Variants in LINGO2 observed in about 807,000 individuals in gnomAD.
LINGO2 encodes leucine rich repeat and Ig domain containing 2.
In LINGO2, 14 loss-of-function variants were observed where a neutral mutation model predicts 30.6. The observed-to-expected ratio is 0.46, with a 90% CI of 0.30 to 0.72. LINGO2 has a LOEUF of 0.72. Ranked by LOEUF, LINGO2 falls within the 30% of genes least tolerant of loss-of-function variation. The pLI is 0.07. For missense variants in LINGO2, 729 were observed against 751.7 expected, an observed-to-expected ratio of 0.97 and a Z score of 0.35; for synonymous variants, 317 against 288.5, an observed-to-expected ratio of 1.10 and a Z score of -1.00.
the LINGO2 span, among the ~76,000 whole-genome samples, chr9:29,105,914 G>GA: frequency 6.6e-6 from 1 of 152,104 alleles, no homozygotes; most frequent in Non-Finnish European, 1.5e-5. Context: ...CCAATAGTCT[G>GA]AAAGAACTTA....
At chr9:28,048,802 A>C (rs976895655) in intron 4 of LINGO2, among the ~76,000 whole-genome samples, 2 of 150,808 alleles carry the variant, frequency 1.3e-5, no homozygotes, top group African/African-American at 4.9e-5. Flanking sequence ...TAGAAATGTT[A>C]AAAGTACCAC....
the LINGO2 span, among the ~76,000 whole-genome samples, chr9:28,750,589 C>A: frequency 6.6e-6 from 1 of 151,938 alleles, no homozygotes; most frequent in South Asian, 2.1e-4. Context: ...ATTTTACCAA[C>A]TGGAAGAGCA....
At chr9:28,808,681 G>T in the LINGO2 span, among the ~76,000 whole-genome samples, 6 of 152,180 alleles carry the variant, frequency 3.9e-5, no homozygotes, top group African/African-American at 1.4e-4. Flanking sequence ...ATCCAAAAAT[G>T]CATTCCATCT....
intron 4 of LINGO2, among the ~76,000 whole-genome samples, chr9:28,142,891 T>C (rs535513689): frequency 1.3e-5 from 2 of 152,356 alleles, no homozygotes; most frequent in South Asian, 4.1e-4. Context: ...ACTGACTAGA[T>C]AACTTAACAG....
the LINGO2 span, among the ~76,000 whole-genome samples, chr9:29,125,399 A>T: frequency 6.6e-6 from 1 of 151,902 alleles, no homozygotes; most frequent in African/African-American, 2.4e-5. Flanking sequence ...CACGTTCTGC[A>T]CATGTATCCC....
chr9:28,842,273 T>G, the LINGO2 span, among the ~76,000 whole-genome samples: 1 of 151,818 alleles, frequency 6.6e-6, no homozygotes, highest in Non-Finnish European at 1.5e-5. Context: ...TCATATTAAC[T>G]CTACAAGGTA....
intron 4 of LINGO2, among the ~76,000 whole-genome samples, chr9:28,022,897 AG>A (rs1433089954): frequency 2.0e-5 from 3 of 148,256 alleles, no homozygotes; most frequent in African/African-American, 7.4e-5. Context: ...TCAGTTTGGG[AG>A]GCTTCTATTG....
At chr9:28,599,316 C>A (rs1196992162) in intron 1 of LINGO2, 1 of 152,092 alleles carries the variant, frequency 6.6e-6, no homozygotes, top group Non-Finnish European at 1.5e-5. Context: ...ATTTTTCTTG[C>A]AGAGTTAGAG....
At chr9:28,567,560 T>C (rs1823445724) in intron 1 of LINGO2, among the ~76,000 whole-genome samples, 1 of 152,022 alleles carries the variant, frequency 6.6e-6, no homozygotes, top group Non-Finnish European at 1.5e-5. Flanking sequence ...CAATCAAATA[T>C]TACATGCTCT....
At chr9:28,787,950 T>C in the LINGO2 span, among the ~76,000 whole-genome samples, 2 of 152,190 alleles carry the variant, frequency 1.3e-5, no homozygotes, top group African/African-American at 4.8e-5. Context: ...ACAAATGTTT[T>C]AAACAATATC....
At chr9:27,937,831 A>G in the LINGO2 span, 1 of 152,158 alleles carries the variant, frequency 6.6e-6, no homozygotes, top group African/African-American at 2.4e-5. Context: ...CCCTCTAAGA[A>G]AATAATTACA....
At chr9:28,532,948 T>A (rs1378715872) in intron 1 of LINGO2, among the ~76,000 whole-genome samples, 1 of 152,124 alleles carries the variant, frequency 6.6e-6, no homozygotes. Context: ...GATGACATAC[T>A]TGGCTCTTTG....
intron 1 of LINGO2, among the ~76,000 whole-genome samples, chr9:28,524,326 T>C (rs574095277): frequency 3.3e-5 from 5 of 152,106 alleles, no homozygotes; most frequent in Non-Finnish European, 5.9e-5. Context: ...GAAGAAGGTA[T>C]AGGAGAATAT....
At chr9:28,409,237 A>G (rs968269690) in intron 2 of LINGO2, among the ~76,000 whole-genome samples, 20 of 152,238 alleles carry the variant, frequency 1.3e-4, no homozygotes, top group Middle Eastern at 6.8e-3. Context: ...TGATCCCGCT[A>G]CAGGATCATT....
At position 27,997,232 on chromosome 9, in the gene LINGO2, A is replaced by G. The variant is rs193124172; in HGVS notation, c.-36+15123T>C. On this transcript the variant is annotated intron_variant, in intron 5 of 5. Transcript: ENST00000379992. ...CTCAAGGTCTGGGCTAATTACCTAC[A>G]TTTGTACCACCTGGCAGATGTGAAA... is the stretch of plus-strand genomic sequence containing the variant. Among the ~76,000 whole-genome samples, 84 of 152,288 alleles carry G rather than the reference A, an allele frequency of 5.5e-4. 2 individuals are homozygous for G. Among genetic ancestry groups the G allele is most frequent in the Middle Eastern group, 6.8e-3 (2 of 294 alleles).
the LINGO2 span, among the ~76,000 whole-genome samples, chr9:28,962,468 C>G: frequency 1.3e-5 from 2 of 151,890 alleles, no homozygotes; most frequent in Non-Finnish European, 2.9e-5. Context: ...AGTATGAAAA[C>G]CAAGGATAAT....
At chr9:27,954,662 C>G (rs1819479295) in intron 5 of LINGO2, among the ~76,000 whole-genome samples, 1 of 152,122 alleles carries the variant, frequency 6.6e-6, no homozygotes, top group Admixed American at 6.5e-5. Context: ...CATGGGCATA[C>G]AGATATACCT....
At chr9:28,180,634 T>C (rs1033803737) in intron 4 of LINGO2, among the ~76,000 whole-genome samples, 1 of 152,142 alleles carries the variant, frequency 6.6e-6, no homozygotes, top group African/African-American at 2.4e-5. Flanking sequence ...AAAGACCAGC[T>C]TTTCCAGATA....
intron 3 of LINGO2, among the ~76,000 whole-genome samples, chr9:28,327,112 C>T (rs1825257874): frequency 6.6e-6 from 1 of 152,162 alleles, no homozygotes; most frequent in South Asian, 2.1e-4. Flanking sequence ...TTCACCTCTT[C>T]TGCTATGTGA....
Sources: gnomAD v4.1 joint callset for allele counts (sites outside exome capture counted in the v4.1 genomes callset) on GRCh38, gnomAD v4.1.1 for gene constraint, MANE v1.5 for transcripts, NCBI Gene and HGNC (gene_info 2026-07-23, HGNC 2026-07-21) for gene names.